The following IVD variants were observed in gnomAD, a reference collection of about 807,000 sequenced individuals.
The protein encoded by IVD is isovaleryl-CoA dehydrogenase.
IVD carries 31 observed loss-of-function variants against 51.3 expected under a neutral mutation model. The ratio of observed to expected loss-of-function variants is 0.60; its 90% CI spans 0.45 to 0.81. The LOEUF (loss-of-function observed/expected upper bound fraction) is 0.81, where lower values mean the gene tolerates loss of function less well. IVD is among the 40% of genes least tolerant of loss of function. IVD has a pLI of 0.00. For synonymous variants in IVD, 205 were observed against 219.4 expected (o/e 0.93, Z 0.58); for missense variants, 475 against 552.0 (o/e 0.86, Z 1.40).
chr15:40,408,088 A>T, intron 3 of IVD, 98 bp downstream of exon 3: 1 of 1,159,074 alleles, frequency 8.6e-7, no homozygotes, highest in Non-Finnish European at 1.3e-6. Context: ...TTGTGCTTAA[A>T]GAAACCCAGA....
Position 40,414,798 on chromosome 15 carries a change from T to G in IVD, c.785-91T>G. The G allele has an allele frequency of 3.2e-6, 5 of 1,569,824 alleles. No individual in the cohort carries two copies. In the South Asian group the frequency reaches 5.8e-5, roughly 18 times the overall value. On this transcript the variant is annotated intron_variant, in intron 7 of 11. Coordinates refer to ENST00000487418, the MANE Select transcript of IVD (RefSeq NM_002225.5). ...CAAGTGACATATTTTAGTGCCTTAC[T>G]TGAGAGCCATGTTTCCAAATCTAGT...
intron 1 of IVD, chr15:40,406,433 CA>C (rs774737830): frequency 6.4e-5 from 59 of 923,834 alleles, no homozygotes; most frequent in Non-Finnish European, 8.2e-5. Context: ...TAAAAAGCCA[CA>C]GTGAGCTCTC....
At chr15:40,413,217 A>G (rs1189957736) in intron 7 of IVD, 130 bp downstream of exon 7, 1 of 783,088 alleles carries the variant, frequency 1.3e-6, no homozygotes, top group Non-Finnish European at 2.2e-6. Flanking sequence ...ACATGTGGCT[A>G]GGCTGTGAGC....
chr15:40,424,251 CTG>C (rs1892538625), downstream of IVD: 1 of 1,199,156 alleles, frequency 8.3e-7, no homozygotes, highest in East Asian at 5.8e-5. Flanking sequence ...AAATATGACT[CTG>C]ATCCCCCTGG....
At chr15:40,425,775 A>G (rs552732428), downstream of IVD, among the ~76,000 whole-genome samples, 1 of 150,946 alleles carries the variant, frequency 6.6e-6, no homozygotes, top group Non-Finnish European at 1.5e-5. Flanking sequence ...TGCCTGCCTC[A>G]GCCTCCCAAA....
At chr15:40,432,670 G>A (rs1429236294) in intron 7 of IVD, among the ~76,000 whole-genome samples, 1 of 152,266 alleles carries the variant, frequency 6.6e-6, no homozygotes, top group Non-Finnish European at 1.5e-5. Context: ...ACCTCACCTT[G>A]AGGAATGTGC....
chr15:40,418,119 C>A lies in IVD; in HGVS notation c.1139-11C>A, dbSNP rs1271474347. The A allele has an allele frequency of 6.2e-7, 1 of 1,613,956 alleles. No homozygotes were observed. Among genetic ancestry groups the A allele is most frequent in the Non-Finnish European group, 8.5e-7 (1 of 1,179,948 alleles). On this transcript the variant is annotated splice_polypyrimidine_tract_variant and intron_variant, in intron 11 of 11. Coordinates refer to ENST00000487418, the MANE Select transcript of IVD (RefSeq NM_002225.5). ...CACTTCCTTTCTTCTCTGCCCAAAC[C>A]CTGGTTGCAGGTGGCAATGGCTACA...
chr15:40,422,008 T>C (rs1194722789), downstream of IVD, among the ~76,000 whole-genome samples: 1 of 152,234 alleles, frequency 6.6e-6, no homozygotes, highest in African/African-American at 2.4e-5. Flanking sequence ...TCCAGAGTCC[T>C]TCCTCTGACC....
chr15:40,428,742 G>T (rs601327), downstream of IVD, among the ~76,000 whole-genome samples: 1 of 152,202 alleles, frequency 6.6e-6, no homozygotes, highest in South Asian at 2.1e-4. Context: ...GCTGTGGGGG[G>T]TGGGGCAAGA....
intron 6 of IVD, 26 bp downstream of exon 6, chr15:40,411,717 G>C: frequency 6.2e-7 from 1 of 1,613,634 alleles, no homozygotes; most frequent in Non-Finnish European, 8.5e-7. Context: ...TGCAGGGCCA[G>C]GAGGCTTCTG....
downstream of IVD, among the ~76,000 whole-genome samples, chr15:40,427,407 G>A (rs1425515627): frequency 1.3e-5 from 2 of 152,236 alleles, no homozygotes; most frequent in Non-Finnish European, 2.9e-5. Flanking sequence ...AGCTGCTTGT[G>A]GGAGATAAGC....
downstream of IVD, chr15:40,421,452 A>G (rs1595809185): frequency 8.3e-6 from 8 of 966,380 alleles, no homozygotes; most frequent in African/African-American, 1.8e-5. Context: ...CTCTTACTCC[A>G]CTCCAATTTT....
rs531429598 is a variant in IVD, at chr15:40,415,490, G to A, written c.960+8G>A. 12 of 1,612,616 alleles carry A rather than the reference G, an allele frequency of 7.4e-6. No individual in the cohort carries two copies. Among genetic ancestry groups the A allele is most frequent in the African/African-American group, 6.7e-5 (5 of 75,022 alleles). ...AAGATCGGCCACTTCCAGGTGAGCC[G>A]AGTGCTTTTGCTGACATGTACTCTT... On this transcript the variant is annotated splice_region_variant and intron_variant, in intron 9 of 11. Transcript: ENST00000487418.
chr15:40,413,679 TTTTG>T (rs34532325), intron 7 of IVD, among the ~76,000 whole-genome samples: 89,865 of 147,624 alleles, frequency 0.61, 28,418 homozygotes, highest in East Asian at 0.79. Context: ...TTTTTGTTTT[TTTTG>T]TTTGTTTGTT....
At chr15:40,428,742 G>A (rs601327), downstream of IVD, among the ~76,000 whole-genome samples, 1,691 of 152,314 alleles carry the variant, frequency 0.011, 34 homozygotes, top group African/African-American at 0.039. Flanking sequence ...GCTGTGGGGG[G>A]TGGGGCAAGA....
chr15:40,413,516 G>A (rs945307085), intron 7 of IVD, among the ~76,000 whole-genome samples: 3 of 152,076 alleles, frequency 2.0e-5, no homozygotes, highest in African/African-American at 7.2e-5. Context: ...ATGGAATCCC[G>A]ACTCAGTAGA....
rs189587579 is a variant in IVD at position 40,405,865 on chromosome 15, C to T, written c.38C>T (p.Ala13Val). 347 of 1,612,956 alleles carry T rather than the reference C, an allele frequency of 2.2e-4. No homozygotes were observed. Among genetic ancestry groups the T allele is most frequent in the African/African-American group, 5.9e-4 (44 of 75,028 alleles). ...ACTCGGCTGCTGGGGTGGCGTGTGG[C>T]GAGCTGGAGGCTGCGGCCGCCGCTT... Reference protein sequence around the residue: ...TATRLLGWRVASWRLRPPLAG... With the variant: ...TATRLLGWRVVSWRLRPPLAG... The change falls in exon 1 of 12, where the codon GCG becomes GTG. Residue 13 changes from alanine (A) to valine (V), a missense_variant. Transcript: ENST00000487418.
intron 7 of IVD, among the ~76,000 whole-genome samples, chr15:40,433,461 G>A (rs1009615536): frequency 6.6e-6 from 1 of 152,122 alleles, no homozygotes; most frequent in Non-Finnish European, 1.5e-5. Context: ...ATCTTCCCAG[G>A]GGTCTGTACG....
downstream of IVD, among the ~76,000 whole-genome samples, chr15:40,429,159 C>T (rs2141424441): frequency 6.6e-6 from 1 of 152,322 alleles, no homozygotes; most frequent in African/African-American, 2.4e-5. Flanking sequence ...CTCAGAGGGT[C>T]TGCCAAGCCC....
Sources: gnomAD v4.1 joint callset for allele counts (sites outside exome capture counted in the v4.1 genomes callset) on GRCh38, gnomAD v4.1.1 for gene constraint, MANE v1.5 for transcripts, NCBI Gene and HGNC (gene_info 2026-07-23, HGNC 2026-07-21) for gene names.